The following FAM81A variants were observed in gnomAD, a reference collection of about 807,000 sequenced individuals.
The protein encoded by FAM81A is family with sequence similarity 81 member A.
A neutral mutation model predicts 46.7 loss-of-function variants in FAM81A; 19 were observed. The ratio of observed to expected loss-of-function variants is 0.41; its 90% CI spans 0.28 to 0.60. FAM81A has a LOEUF of 0.60. Among genes scored for constraint, FAM81A ranks in the 20% least tolerant of loss-of-function variants. The pLI is 0.34. For missense variants in FAM81A, 377 were observed against 453.5 expected (o/e 0.83, Z 1.53); for synonymous variants, 183 against 152.9 (o/e 1.20, Z -1.45).
At chr15:59,422,249 A>T (rs971300552) in intron 2 of FAM81A, among the ~76,000 whole-genome samples, 1 of 152,000 alleles carries the variant, frequency 6.6e-6, no homozygotes, top group Non-Finnish European at 1.5e-5. Flanking sequence ...TTAGCCAGGC[A>T]TGGTGACACA....
chr15:59,400,019 C>G (rs1249171027), intron 1 of FAM81A, among the ~76,000 whole-genome samples: 1 of 151,892 alleles, frequency 6.6e-6, no homozygotes, highest in African/African-American at 2.4e-5. Flanking sequence ...CCGTCCGAGT[C>G]TCTCTTCTGC....
chr15:59,399,634 G>A lies in FAM81A; in HGVS notation c.-160-2642G>A, dbSNP rs182681148. On this transcript the variant is annotated intron_variant, in intron 1 of 4. Coordinates refer to the FAM81A transcript ENST00000558348. ...GCAGCACATGTGAGGCCACAAGAAT[G>A]AAGAAGTGTGCTGTGATGGGGGAAC... Among the ~76,000 whole-genome samples, 70 of 152,288 alleles carry A rather than the reference G, an allele frequency of 4.6e-4. No individual in the cohort carries two copies. The Middle Eastern group carries it at 0.01, about 22-fold the overall frequency.
intron 3 of FAM81A, among the ~76,000 whole-genome samples, chr15:59,490,983 A>G (rs1165002075): frequency 6.6e-6 from 1 of 152,224 alleles, no homozygotes; most frequent in Non-Finnish European, 1.5e-5. Context: ...AATTAGTACA[A>G]CCACTGTGGA....
At chr15:59,477,723 T>C (rs2081791136) in intron 3 of FAM81A, among the ~76,000 whole-genome samples, 1 of 152,218 alleles carries the variant, frequency 6.6e-6, no homozygotes, top group Admixed American at 6.5e-5. Context: ...TCCTTGCCCC[T>C]TCCAGAACCC....
intron 2 of FAM81A, among the ~76,000 whole-genome samples, chr15:59,431,672 T>C (rs1288136097): frequency 1.3e-5 from 2 of 152,184 alleles, no homozygotes; most frequent in African/African-American, 4.8e-5. Flanking sequence ...TGATATTACC[T>C]TGGGGTACAT....
chr15:59,443,261 T>C (rs2081320011), intron 1 of FAM81A, among the ~76,000 whole-genome samples: 1 of 152,158 alleles, frequency 6.6e-6, no homozygotes. Flanking sequence ...TTTTGTAATT[T>C]TGTAGAGACA....
intron 1 of FAM81A, among the ~76,000 whole-genome samples, chr15:59,454,119 C>G (rs2081453706): frequency 6.6e-6 from 1 of 152,230 alleles, no homozygotes; most frequent in Non-Finnish European, 1.5e-5. Context: ...TCCACTGTTC[C>G]TGCCCTCTAT....
chr15:59,513,241 T>A (rs1002479446), intron 6 of FAM81A, among the ~76,000 whole-genome samples: 2 of 152,088 alleles, frequency 1.3e-5, no homozygotes, highest in Non-Finnish European at 1.5e-5. Flanking sequence ...TGATTTACAT[T>A]AGGAAATATC....
intron 2 of FAM81A, among the ~76,000 whole-genome samples, chr15:59,424,926 C>T (rs1224039897): frequency 6.6e-6 from 1 of 152,242 alleles, no homozygotes; most frequent in Non-Finnish European, 1.5e-5. Context: ...AGATCAGTTA[C>T]TCCTCTGCTT....
chr15:59,464,062 T>C (rs1413051203), intron 3 of FAM81A, among the ~76,000 whole-genome samples: 4 of 152,236 alleles, frequency 2.6e-5, no homozygotes, highest in African/African-American at 9.6e-5. Flanking sequence ...AGTAAGAACA[T>C]GCAGTGTTTA....
chr15:59,482,549 G>T (rs993171368), intron 3 of FAM81A, among the ~76,000 whole-genome samples: 1 of 152,190 alleles, frequency 6.6e-6, no homozygotes, highest in Non-Finnish European at 1.5e-5. Context: ...GATTATGGGC[G>T]TGAGCCACCA....
chr15:59,416,305 A>G (rs2081146460), intron 2 of FAM81A, among the ~76,000 whole-genome samples: 2 of 152,250 alleles, frequency 1.3e-5, no homozygotes, highest in Non-Finnish European at 2.9e-5. Flanking sequence ...CTGGGAAACC[A>G]TGCACGATAA....
intron 2 of FAM81A, among the ~76,000 whole-genome samples, chr15:59,409,766 CT>C (rs1400862732): frequency 6.6e-6 from 1 of 152,122 alleles, no homozygotes; most frequent in Non-Finnish European, 1.5e-5. Context: ...GTTTTATCTG[CT>C]TTTTTTCTCA....
chr15:59,472,559 CTT>C (rs11289675), intron 3 of FAM81A, among the ~76,000 whole-genome samples: 209 of 144,796 alleles, frequency 1.4e-3, no homozygotes, highest in Non-Finnish European at 1.3e-3. Context: ...TTCCCCATTC[CTT>C]TTTTTTTTTT....
At chr15:59,508,626 G>A (rs2082173494) in intron 5 of FAM81A, among the ~76,000 whole-genome samples, 1 of 152,180 alleles carries the variant, frequency 6.6e-6, no homozygotes, top group Admixed American at 6.5e-5. Context: ...AGAGAATTAT[G>A]TGTAAAATTA....
At chr15:59,477,181 G>A (rs1398062708) in intron 3 of FAM81A, among the ~76,000 whole-genome samples, 4 of 151,624 alleles carry the variant, frequency 2.6e-5, no homozygotes, top group African/African-American at 7.3e-5. Flanking sequence ...CCTCATACTT[G>A]TAGTATCAGT....
At chr15:59,451,721 G>C (rs1265564092) in intron 1 of FAM81A, among the ~76,000 whole-genome samples, 1 of 152,164 alleles carries the variant, frequency 6.6e-6, no homozygotes, top group Non-Finnish European at 1.5e-5. Context: ...CCAAAGTGCT[G>C]GGATTATAGG....
At chr15:59,430,329 A>G (rs1157403451) in intron 2 of FAM81A, among the ~76,000 whole-genome samples, 2 of 138,042 alleles carry the variant, frequency 1.4e-5, no homozygotes, top group East Asian at 2.1e-4. Flanking sequence ...CAGTGGTACA[A>G]TCTCAGCTCA....
intron 4 of FAM81A, 106 bp from the exon 5 acceptor site, chr15:59,507,107 A>C: frequency 2.4e-4 from 313 of 1,282,400 alleles, no homozygotes; most frequent in Non-Finnish European, 3.0e-4. Flanking sequence ...AATGATGGAT[A>C]GTGCACTTTC....
Sources: gnomAD v4.1 joint callset for allele counts (sites outside exome capture counted in the v4.1 genomes callset) on GRCh38, gnomAD v4.1.1 for gene constraint, MANE v1.5 for transcripts, NCBI Gene and HGNC (gene_info 2026-07-23, HGNC 2026-07-21) for gene names.